The following SETBP1 variants were observed in gnomAD, a reference collection of about 807,000 sequenced individuals.
SETBP1 encodes SET-binding protein.
In SETBP1, 9 loss-of-function variants were observed where a neutral mutation model predicts 101.0. The ratio of observed to expected loss-of-function variants is 0.09; its 90% confidence interval spans 0.05 to 0.16. SETBP1 has a LOEUF of 0.16. Ranked by LOEUF, SETBP1 falls within the 10% of genes least tolerant of loss-of-function variation. SETBP1 has a pLI of 1.00. For synonymous variants in SETBP1, 818 were observed against 788.5 expected (o/e 1.04, Z -0.63); for missense variants, 1,858 against 2,033.8 (o/e 0.91, Z 1.66).
chr18:44,869,169 G>C, intron 2 of SETBP1, 61 bp from the exon 3 acceptor site: 10 of 1,448,286 alleles, frequency 6.9e-6, no homozygotes, highest in Non-Finnish European at 9.7e-6. Flanking sequence ...GTCAGTTGTC[G>C]TGGGGATACT....
At chr18:44,726,488 G>A (rs1270331841) in intron 2 of SETBP1, among the ~76,000 whole-genome samples, 2 of 152,186 alleles carry the variant, frequency 1.3e-5, no homozygotes, top group East Asian at 3.8e-4. Flanking sequence ...TAACTGGCAT[G>A]GGGAGGTTGA....
At chr18:44,922,964 C>T (rs1169056258) in intron 3 of SETBP1, among the ~76,000 whole-genome samples, 1 of 152,166 alleles carries the variant, frequency 6.6e-6, no homozygotes, top group Non-Finnish European at 1.5e-5. Flanking sequence ...TAACACAGAG[C>T]TCAGAGATTC....
At chr18:44,733,679 T>C (rs1397985211) in intron 2 of SETBP1, among the ~76,000 whole-genome samples, 2 of 152,188 alleles carry the variant, frequency 1.3e-5, no homozygotes, top group African/African-American at 4.8e-5. Flanking sequence ...ATTTCCCTTT[T>C]TGTGGAAAAC....
At chr18:44,750,407 T>A (rs577627342) in intron 2 of SETBP1, among the ~76,000 whole-genome samples, 1 of 150,132 alleles carries the variant, frequency 6.7e-6, no homozygotes, top group Admixed American at 6.6e-5. Context: ...TCTACCCTCC[T>A]GACCTCATCT....
At chr18:44,759,520 T>A (rs1035142291) in intron 2 of SETBP1, among the ~76,000 whole-genome samples, 4 of 152,220 alleles carry the variant, frequency 2.6e-5, no homozygotes, top group Non-Finnish European at 4.4e-5. Flanking sequence ...GTTTCGTTCC[T>A]ATTTAAAGTT....
intron 3 of SETBP1, chr18:44,876,497 G>A: frequency 9.0e-7 from 1 of 1,108,608 alleles, no homozygotes; most frequent in Non-Finnish European, 1.3e-6. Flanking sequence ...GAATTGGTCT[G>A]GGTGGGGTCT....
Position 45,038,537 on chromosome 18 carries a change from C to A in SETBP1, c.4053C>A (p.Asn1351Lys). The A allele has an allele frequency of 6.2e-7, 1 of 1,614,108 alleles. No individual in the cohort carries two copies. The highest frequency in any genetic ancestry group is 8.5e-7 in the Non-Finnish European group (1 of 1,180,014). ...ACCAGACAGCAGTGCATAGTAAGAACGAAGGCTCAGTGCCCACCATGATGA... is the reference window on the plus strand; with the variant it reads ...ACCAGACAGCAGTGCATAGTAAGAAAGAAGGCTCAGTGCCCACCATGATGA... ...KVDQTAVHSK[N>K]EGSVPTMMTR... is the part of the protein sequence containing the mutation. Residue 1351 changes from asparagine (N) to lysine (K), a missense_variant, in exon 5 of 6, where the codon AAC becomes AAA. Asn to Lys is a moderately conservative substitution (Grantham distance 94). Transcript: ENST00000649279.
chr18:45,028,275 C>T (rs1307641762), intron 4 of SETBP1, among the ~76,000 whole-genome samples: 1 of 150,574 alleles, frequency 6.6e-6, no homozygotes, highest in East Asian at 2.0e-4. Context: ...GTTTTTTGTT[C>T]TTGTGATAGT....
rs1242070091 is a variant in SETBP1, at chr18:44,951,407, T to C, written c.2067T>C (p.Ala689=). The C allele has an allele frequency of 6.2e-7, 1 of 1,613,846 alleles. No homozygotes were observed. The highest frequency in any genetic ancestry group is 8.5e-7 in the Non-Finnish European group (1 of 1,179,992). The change falls in exon 4 of 6, where the codon GCT becomes GCC. Residue 689 remains alanine (A), a synonymous_variant. Coordinates refer to ENST00000649279, the MANE Select transcript of SETBP1 (RefSeq NM_015559.3). The surrounding 1 kb of genome is among the most constrained non-coding windows in gnomAD (Gnocchi z 7.8). The part of the protein sequence containing the change: ...NQILSCSSSV[A]LKAKAPPETS... ...TCTTGTCCTGTTCCAGCAGCGTTGC[T>C]CTGAAGGCAAAAGCTCCCCCAGAGA...
rs73952921 is a variant in SETBP1, at chr18:44,734,000, C to T, written c.486+32168C>T. Among the ~76,000 whole-genome samples the T allele has an allele frequency of 5.4e-3, 828 of 152,272 alleles. 11 individuals are homozygous for T. The highest frequency in any genetic ancestry group is 0.019 in the African/African-American group (789 of 41,530). On this transcript the variant is annotated intron_variant, in intron 2 of 5. Coordinates refer to ENST00000649279, the MANE Select transcript of SETBP1 (RefSeq NM_015559.3). ...CCCTTCTCCCATCACAATTCAGGGC[C>T]TTCACAGAGCTGGGGGAGTGAGTAA...
At chr18:44,869,721 C>T (rs2069229892) in intron 3 of SETBP1, 2 of 282,240 alleles carry the variant, frequency 7.1e-6, no homozygotes, top group Admixed American at 9.3e-5. Flanking sequence ...ATCTCAGACT[C>T]CTGCAGAGGC....
chr18:44,775,724 G>A (rs893002123), intron 2 of SETBP1, among the ~76,000 whole-genome samples: 7 of 124,612 alleles, frequency 5.6e-5, no homozygotes, highest in Admixed American at 2.5e-4. Flanking sequence ...TTTTTTTTTC[G>A]TTGTCCAACA....
chr18:44,684,506 ACT>A (rs898692346), intron 1 of SETBP1, among the ~76,000 whole-genome samples: 2 of 151,790 alleles, frequency 1.3e-5, no homozygotes, highest in African/African-American at 4.8e-5. Flanking sequence ...ATTGTAGATC[ACT>A]GAGTTGAAGC....
At chr18:44,862,705 T>G (rs2069041429) in intron 2 of SETBP1, among the ~76,000 whole-genome samples, 1 of 152,198 alleles carries the variant, frequency 6.6e-6, no homozygotes, top group Admixed American at 6.5e-5. Context: ...CAAGACTATC[T>G]CTTTGTCCTC....
At chr18:44,850,849 C>T (rs2072840477) in intron 2 of SETBP1, among the ~76,000 whole-genome samples, 1 of 152,222 alleles carries the variant, frequency 6.6e-6, no homozygotes, top group African/African-American at 2.4e-5. Context: ...ATGTTCATTC[C>T]AAACCCTTTG....
chr18:44,788,197 GGT>G (rs567773053), intron 2 of SETBP1, among the ~76,000 whole-genome samples: 410 of 152,144 alleles, frequency 2.7e-3, no homozygotes, highest in Admixed American at 6.1e-3. Flanking sequence ...CGTAAGAAAT[GGT>G]GCCACTTCTC....
chr18:44,786,954 T>C (rs1281893355), intron 2 of SETBP1, among the ~76,000 whole-genome samples: 1 of 152,200 alleles, frequency 6.6e-6, no homozygotes, highest in East Asian at 1.9e-4. Context: ...TTCTCTCAAA[T>C]TTGCTGTCTA....
At chr18:45,050,507 T>G (rs2073703866) in intron 5 of SETBP1, among the ~76,000 whole-genome samples, 2 of 152,160 alleles carry the variant, frequency 1.3e-5, no homozygotes, top group South Asian at 2.1e-4. Flanking sequence ...TCTGACCTAT[T>G]GAAGAACACT....
intron 2 of SETBP1, among the ~76,000 whole-genome samples, chr18:44,836,785 C>T (rs138440773): frequency 2.9e-3 from 441 of 152,294 alleles, no homozygotes; most frequent in Admixed American, 7.9e-3. Context: ...TCTTCCAGCT[C>T]CAGCAACAGT....
Sources: allele counts gnomAD v4.1 joint callset (sites outside exome capture counted in the v4.1 genomes callset), GRCh38; gene constraint gnomAD v4.1.1; non-coding constraint Gnocchi (gnomAD v3.1); transcripts MANE v1.5; gene names NCBI Gene and HGNC (gene_info 2026-07-23, HGNC 2026-07-21).